Variants in FLI1 observed in about 807,000 individuals in gnomAD.
The protein encoded by FLI1 is Fli-1 proto-oncogene, ETS transcription factor, also known as Friend leukemia integration 1 transcription factor.
In FLI1, 13 loss-of-function variants were observed where a neutral mutation model predicts 53.1. The observed-to-expected ratio is 0.24, with a 90% CI of 0.16 to 0.39. The LOEUF (loss-of-function observed/expected upper bound fraction) is 0.39, where lower values mean the gene tolerates loss of function less well. Ranked by LOEUF, FLI1 falls within the 10% of genes least tolerant of loss-of-function variation. FLI1 has a pLI of 1.00. For synonymous variants in FLI1, 244 were observed against 236.7 expected, an observed-to-expected ratio of 1.03 and a Z score of -0.28; for missense variants, 424 against 600.5, an observed-to-expected ratio of 0.71 and a Z score of 3.07.
Position 128,810,447 on chromosome 11 carries a change from C to T in FLI1, c.830-12C>T, listed in dbSNP as rs1310655280. On this transcript the variant is annotated splice_polypyrimidine_tract_variant and intron_variant, in intron 8 of 8. Coordinates refer to ENST00000527786, the MANE Select transcript of FLI1 (RefSeq NM_002017.5). The surrounding 1 kb of genome is among the most constrained non-coding windows in gnomAD (Gnocchi z 6.6). The stretch of plus-strand genomic sequence containing the variant: ...GTGTTCTGTTCTCTCCCGTTTGCCT[C>T]ACGGCGTGCAGGAAGCGGGCAGATC... The T allele has an allele frequency of 1.3e-6, 2 of 1,581,332 alleles. No individual in the cohort carries two copies. The highest frequency in any genetic ancestry group is 2.3e-5 in the South Asian group (2 of 86,570).
chr11:128,724,399 C>T (rs540698424), intron 1 of FLI1, among the ~76,000 whole-genome samples: 2 of 152,226 alleles, frequency 1.3e-5, no homozygotes, highest in Non-Finnish European at 2.9e-5. Flanking sequence ...ACAGGTGAGG[C>T]CTGACCCCAG....
chr11:128,792,642 A>T (rs1206845543), intron 5 of FLI1, among the ~76,000 whole-genome samples: 1 of 150,978 alleles, frequency 6.6e-6, no homozygotes, highest in African/African-American at 2.5e-5. Flanking sequence ...ACGTATAGGA[A>T]GCATCATTTG....
At position 128,811,249 on chromosome 11, in the gene FLI1, G is replaced by A. The variant is rs1942929868; in HGVS notation, c.*261G>A. 1 of 516,694 alleles carries A rather than the reference G, an allele frequency of 1.9e-6. No individual in the cohort carries two copies. The highest frequency in any genetic ancestry group is 3.4e-5 in the East Asian group (1 of 29,768). 32.0% of individuals were successfully genotyped at this position (516,694 alleles called of 1,614,324 possible). A position where few individuals can be genotyped will look rare whatever the true frequency, so the allele number is the denominator to read the frequency against. On this transcript the variant is annotated 3_prime_UTR_variant, in exon 9 of 9. Transcript: ENST00000527786. ...TTCTCAGTCTCCTAGCATCTTGTGA[G>A]TTGCATATTAAGATTACTGGAATGG...
chr11:128,686,368 A>G, upstream of FLI1: 1 of 456,244 alleles, frequency 2.2e-6, no homozygotes, highest in Non-Finnish European at 4.4e-6. Context: ...AGGGGAGAGT[A>G]AAAGGACTGT....
intron 2 of FLI1, among the ~76,000 whole-genome samples, chr11:128,760,158 G>T (rs947443311): frequency 1.3e-5 from 2 of 152,188 alleles, no homozygotes; most frequent in African/African-American, 4.8e-5. Context: ...GACATGGTGT[G>T]TTGAACGTTT....
intron 5 of FLI1, among the ~76,000 whole-genome samples, chr11:128,792,517 G>A (rs1021696021): frequency 3.9e-5 from 6 of 152,160 alleles, no homozygotes; most frequent in Non-Finnish European, 8.8e-5. Flanking sequence ...CTTTGTCCAC[G>A]CTTATCAGTC....
At chr11:128,695,160 A>G (rs1938000735) in intron 1 of FLI1, among the ~76,000 whole-genome samples, 1 of 151,964 alleles carries the variant, frequency 6.6e-6, no homozygotes, top group South Asian at 2.1e-4. Flanking sequence ...TTCCCACCCC[A>G]GCCGCCGCCG....
At chr11:128,707,311 T>C (rs1007934280) in intron 1 of FLI1, among the ~76,000 whole-genome samples, 2 of 152,202 alleles carry the variant, frequency 1.3e-5, no homozygotes, top group African/African-American at 2.4e-5. Context: ...GCCCTTCGAC[T>C]TCTCCATAAT....
chr11:128,713,731 G>T (rs1019702557), intron 1 of FLI1, among the ~76,000 whole-genome samples: 29 of 152,126 alleles, frequency 1.9e-4, no homozygotes, highest in Admixed American at 6.5e-5. Context: ...AGTCTCAGAG[G>T]TCAAAGGCTT....
At chr11:128,748,492 G>C (rs1276057956) in intron 1 of FLI1, among the ~76,000 whole-genome samples, 1 of 152,246 alleles carries the variant, frequency 6.6e-6, no homozygotes, top group South Asian at 2.1e-4. Context: ...AATTAGATGG[G>C]CGTGGTGGTG....
rs568545090 is a variant in FLI1, at chr11:128,731,013, G to C, written c.19-27102G>C. ...GTTAATTTTACAAGTGCTTCGAGAG[G>C]TCCTGAGGAAAAGGCACATGCCATC... On this transcript the variant is annotated intron_variant, in intron 1 of 8. Coordinates refer to ENST00000527786, the MANE Select transcript of FLI1 (RefSeq NM_002017.5). 4.6e-5 allele frequency among the ~76,000 whole-genome samples: 7 copies of C among 152,326 alleles called. No individual in the cohort carries two copies. In the East Asian group the frequency reaches 1.3e-3, roughly 29 times the overall value.
upstream of FLI1, among the ~76,000 whole-genome samples, chr11:128,690,630 C>A (rs1208701792): frequency 6.6e-6 from 1 of 152,240 alleles, no homozygotes; most frequent in African/African-American, 2.4e-5. Flanking sequence ...CGAGGCAAGT[C>A]GTCTCACCAG....
intron 1 of FLI1, among the ~76,000 whole-genome samples, chr11:128,748,958 G>A (rs763533243): frequency 3.3e-5 from 5 of 152,144 alleles, no homozygotes; most frequent in South Asian, 2.1e-4. Flanking sequence ...CTATTTGATC[G>A]TTCTCATTTA....
At chr11:128,702,716 G>A (rs138579766) in intron 1 of FLI1, among the ~76,000 whole-genome samples, 1 of 152,308 alleles carries the variant, frequency 6.6e-6, no homozygotes, top group East Asian at 1.9e-4. Flanking sequence ...ACAAAAATTA[G>A]CTGGTCATGC....
At chr11:128,722,340 A>T (rs936249574) in intron 1 of FLI1, among the ~76,000 whole-genome samples, 1 of 152,180 alleles carries the variant, frequency 6.6e-6, no homozygotes, top group Non-Finnish European at 1.5e-5. Flanking sequence ...TGCTTCTCGG[A>T]GAAGGGAGAA....
Position 128,812,862 on chromosome 11 carries a change from TCCC to T in FLI1, c.*1875_*1877del, listed in dbSNP as rs1337852442. The T allele has an allele frequency of 3.5e-5, 4 of 114,890 alleles. No homozygotes were observed. Among genetic ancestry groups the T allele is most frequent in the African/African-American group, 5.9e-5 (2 of 33,614 alleles). The allele number at this position is 114,890 out of a possible 1,614,324, so 7.1% of individuals were successfully genotyped here. A position where few individuals can be genotyped will look rare whatever the true frequency, so the allele number is the denominator to read the frequency against. Reference sequence around the variant, plus strand: ...TGCAGATTTTTAAGGTCATTTTTCTTCCCAAGGAAGAAACTTGCCTCCAGTTCC... The same window carrying T: ...TGCAGATTTTTAAGGTCATTTTTCTTAAGGAAGAAACTTGCCTCCAGTTCC... On this transcript the variant is annotated 3_prime_UTR_variant, in exon 9 of 9. Coordinates refer to ENST00000527786, the MANE Select transcript of FLI1 (RefSeq NM_002017.5).
chr11:128,743,521 A>G (rs1591772240), intron 1 of FLI1, among the ~76,000 whole-genome samples: 1 of 151,950 alleles, frequency 6.6e-6, no homozygotes, highest in Non-Finnish European at 1.5e-5. Context: ...GCGGTTTGGG[A>G]CATCTCAGGG....
At chr11:128,754,109 C>A (rs1028281929) in intron 1 of FLI1, among the ~76,000 whole-genome samples, 1 of 152,188 alleles carries the variant, frequency 6.6e-6, no homozygotes, top group Non-Finnish European at 1.5e-5. Context: ...GCCCAGTGAG[C>A]CAGACAGGGA....
intron 1 of FLI1, among the ~76,000 whole-genome samples, chr11:128,745,113 G>A (rs1179002850): frequency 6.6e-6 from 1 of 152,142 alleles, no homozygotes; most frequent in Non-Finnish European, 1.5e-5. Context: ...TGCCTCCAAA[G>A]GTTAAGAGTG....
Sources: gnomAD v4.1 joint callset for allele counts (sites outside exome capture counted in the v4.1 genomes callset) on GRCh38, gnomAD v4.1.1 for gene constraint, Gnocchi (gnomAD v3.1) non-coding constraint, MANE v1.5 for transcripts, NCBI Gene and HGNC (gene_info 2026-07-23, HGNC 2026-07-21) for gene names.